The following CDH13 variants were observed in gnomAD, a reference collection of about 807,000 sequenced individuals.
The protein encoded by CDH13 is cadherin 13.
Under a neutral mutation model 63.8 loss-of-function variants are expected in CDH13, and 24 were observed. That is an observed-to-expected ratio of 0.38 (90% CI 0.27 to 0.53). The LOEUF is 0.53. CDH13 is among the 20% of genes least tolerant of loss of function. The probability of loss-of-function intolerance (pLI) is 0.85; values close to 1 mark genes in which losing one functional copy is unlikely to be tolerated. For missense variants in CDH13, 1,049 were observed against 903.1 expected (o/e 1.16, Z -2.07); for synonymous variants, 503 against 355.3 (o/e 1.42, Z -4.67).
At position 83,795,105 on chromosome 16, in the gene CDH13, A is replaced by T; in HGVS notation, c.*75A>T. 7.4e-7 allele frequency: 1 copy of T among 1,356,238 alleles called. No individual in the cohort carries two copies. The highest frequency in any genetic ancestry group is 1.3e-5 in the South Asian group (1 of 75,720). The allele number at this position is 1,356,238 out of a possible 1,614,324, so 84.0% of individuals were successfully genotyped here. A position where few individuals can be genotyped will look rare whatever the true frequency, so the allele number is the denominator to read the frequency against. ...AAAAAAAAAATCTATCCAAATCTGAAGATTGCGGTTTACAGCTATCGAACT... is the reference window on the plus strand; with the variant it reads ...AAAAAAAAAATCTATCCAAATCTGATGATTGCGGTTTACAGCTATCGAACT... On this transcript the variant is annotated 3_prime_UTR_variant, in exon 14 of 14. Transcript: ENST00000567109.
rs555672591 is a variant in CDH13, at chr16:82,731,213, A to G, written c.45+104076A>G. On this transcript the variant is annotated intron_variant, in intron 1 of 13. Transcript: ENST00000567109. Reference sequence around the variant, plus strand: ...TTTTTCTGTAAAAAGCTAGAGGAGTATCCTAGGCTTTGTGGGCACCGAACC... The same window carrying G: ...TTTTTCTGTAAAAAGCTAGAGGAGTGTCCTAGGCTTTGTGGGCACCGAACC... 3.9e-5 allele frequency among the ~76,000 whole-genome samples: 6 copies of G among 152,342 alleles called. No individual in the cohort carries two copies. The East Asian group carries it at 1.2e-3, about 29-fold the overall frequency.
intron 6 of CDH13, among the ~76,000 whole-genome samples, chr16:83,450,442 A>T (rs1371521999): frequency 1.3e-5 from 2 of 152,200 alleles, no homozygotes; most frequent in East Asian, 3.9e-4. Flanking sequence ...TGAGCTCCTC[A>T]TGAGGATCTA....
At chr16:83,207,353 C>G (rs2039212122) in intron 4 of CDH13, among the ~76,000 whole-genome samples, 1 of 152,196 alleles carries the variant, frequency 6.6e-6, no homozygotes, top group South Asian at 2.1e-4. Context: ...CTGTAACTGG[C>G]TTATTTCATT....
intron 1 of CDH13, among the ~76,000 whole-genome samples, chr16:82,721,749 G>A (rs755941367): frequency 5.9e-5 from 9 of 152,176 alleles, no homozygotes; most frequent in Non-Finnish European, 1.2e-4. Flanking sequence ...TACAATCAAA[G>A]CCATTAGGAA....
At chr16:82,655,718 T>C (rs1471533567) in intron 1 of CDH13, among the ~76,000 whole-genome samples, 1 of 152,176 alleles carries the variant, frequency 6.6e-6, no homozygotes, top group African/African-American at 2.4e-5. Context: ...TTTACATTTG[T>C]TAATTTTACA....
At chr16:83,108,462 C>G (rs2034891486) in intron 3 of CDH13, among the ~76,000 whole-genome samples, 1 of 152,194 alleles carries the variant, frequency 6.6e-6, no homozygotes, top group African/African-American at 2.4e-5. Flanking sequence ...AGAAAGGGTC[C>G]TGCTTGCAGG....
chr16:83,250,023 G>C (rs1197283150), intron 5 of CDH13, among the ~76,000 whole-genome samples: 1 of 152,202 alleles, frequency 6.6e-6, no homozygotes, highest in Non-Finnish European at 1.5e-5. Context: ...AGTGTAATGA[G>C]AGACAACAGA....
chr16:82,721,952 G>T (rs192924912), intron 1 of CDH13, among the ~76,000 whole-genome samples: 28 of 152,100 alleles, frequency 1.8e-4, no homozygotes, highest in Admixed American at 3.3e-4. Flanking sequence ...TAGTTGGGGC[G>T]TGTCACATGC....
At chr16:82,871,006 T>A (rs906785335) in intron 2 of CDH13, among the ~76,000 whole-genome samples, 1 of 152,232 alleles carries the variant, frequency 6.6e-6, no homozygotes, top group African/African-American at 2.4e-5. Context: ...GAAGTCACTA[T>A]TACTCCTAAG....
At chr16:82,769,596 G>A (rs1156231169) in intron 1 of CDH13, among the ~76,000 whole-genome samples, 1 of 152,184 alleles carries the variant, frequency 6.6e-6, no homozygotes, top group East Asian at 1.9e-4. Context: ...CTACATATAA[G>A]TGAATGAATA....
chr16:83,683,930 T>C (rs1283817851), intron 10 of CDH13, among the ~76,000 whole-genome samples: 1 of 152,244 alleles, frequency 6.6e-6, no homozygotes, highest in African/African-American at 2.4e-5. Flanking sequence ...GTTCCCACTC[T>C]GTCGTCTCCA....
At chr16:82,816,240 T>C (rs368415867) in intron 1 of CDH13, among the ~76,000 whole-genome samples, 8 of 152,232 alleles carry the variant, frequency 5.3e-5, no homozygotes, top group African/African-American at 1.9e-4. Flanking sequence ...CTTCCCACTA[T>C]CTTATTATTT....
At chr16:83,136,249 C>A (rs2036278638) in intron 4 of CDH13, among the ~76,000 whole-genome samples, 1 of 151,320 alleles carries the variant, frequency 6.6e-6, no homozygotes, top group African/African-American at 2.4e-5. Context: ...TTTGGGAGGC[C>A]GAGGCAGGCG....
chr16:83,399,546 T>C (rs58763312), intron 6 of CDH13, among the ~76,000 whole-genome samples: 10,540 of 152,210 alleles, frequency 0.069, 401 homozygotes, highest in East Asian at 0.19. Context: ...CGATCTTTCA[T>C]TGAGATATGG....
chr16:83,014,794 A>G (rs1451274385), intron 2 of CDH13, among the ~76,000 whole-genome samples: 3 of 82,912 alleles, frequency 3.6e-5, no homozygotes, highest in Admixed American at 1.4e-4. Context: ...ATATATTTGT[A>G]TATATATATG....
intron 2 of CDH13, among the ~76,000 whole-genome samples, chr16:82,911,222 G>C (rs988896597): frequency 6.6e-6 from 1 of 152,186 alleles, no homozygotes; most frequent in Non-Finnish European, 1.5e-5. Context: ...ATCTCATCTG[G>C]CTGTAAGGCA....
At chr16:83,763,978 T>C (rs1378162292) in intron 11 of CDH13, among the ~76,000 whole-genome samples, 1 of 152,142 alleles carries the variant, frequency 6.6e-6, no homozygotes, top group Admixed American at 6.6e-5. Context: ...CCGAGAGACT[T>C]ACACTCTCTC....
intron 1 of CDH13, among the ~76,000 whole-genome samples, chr16:82,670,018 G>T (rs1240997188): frequency 6.6e-6 from 1 of 152,196 alleles, no homozygotes; most frequent in Non-Finnish European, 1.5e-5. Context: ...CTGCCTCAAG[G>T]AGCAGATACG....
At chr16:83,145,646 A>T in intron 4 of CDH13, among the ~76,000 whole-genome samples, 1 of 152,164 alleles carries the variant, frequency 6.6e-6, no homozygotes, top group Admixed American at 6.5e-5. Flanking sequence ...CATTCTATAG[A>T]TCGAAGGAAT....
Sources: gnomAD v4.1 joint callset for allele counts (sites outside exome capture counted in the v4.1 genomes callset) on GRCh38, gnomAD v4.1.1 for gene constraint, MANE v1.5 for transcripts, NCBI Gene and HGNC (gene_info 2026-07-23, HGNC 2026-07-21) for gene names.